Variants in HEATR1 observed in about 807,000 individuals in gnomAD.
The protein encoded by HEATR1 is HEAT repeat containing 1.
HEATR1 carries 77 observed loss-of-function variants against 248.2 expected under a neutral mutation model. The ratio of observed to expected loss-of-function variants is 0.31; its 90% CI spans 0.26 to 0.37. HEATR1 has a LOEUF of 0.37. HEATR1 is among the 10% of genes least tolerant of loss of function. The pLI is 1.00. For synonymous variants in HEATR1, 897 were observed against 923.1 expected (o/e 0.97, Z 0.51); for missense variants, 2,420 against 2,504.9 (o/e 0.97, Z 0.72).
Position 236,553,633 on chromosome 1 carries a change from C to T in HEATR1, c.6185G>A (p.Trp2062Ter). Residue 2062 changes from tryptophan (W) to a stop codon, truncating the protein, a stop_gained, in exon 43 of 45, where the codon TGG (tryptophan) becomes TAG (stop). Transcript: ENST00000366582. LOFTEE classifies it high-confidence loss of function. Reference protein sequence around the residue: ...FSVAMADDSLWKPLNYQILLK... With the variant: ...FSVAMADDSL ...CAGAATCTGGTAGTTCAGTGGTTTC[C>T]AAAGAGAGTCATCCGCCATGGCCAC... 6.2e-7 allele frequency: 1 copy of T among 1,614,026 alleles called. No homozygotes were observed. Among genetic ancestry groups the T allele is most frequent in the Non-Finnish European group, 8.5e-7 (1 of 1,179,990 alleles).
At chr1:236,557,390 G>C in intron 36 of HEATR1, 45 bp from the exon 37 acceptor site, 1 of 1,604,818 alleles carries the variant, frequency 6.2e-7, no homozygotes. Context: ...AGCAGAAACA[G>C]AGGCTAGGGA....
At position 236,572,780 on chromosome 1, in the gene HEATR1, T is replaced by C. The variant is rs752889526; in HGVS notation, c.3508A>G (p.Lys1170Glu). 1.9e-6 allele frequency: 3 copies of C among 1,614,064 alleles called. No homozygotes were observed. The highest frequency in any genetic ancestry group is 2.5e-6 in the Non-Finnish European group (3 of 1,179,906). The change falls in exon 25 of 45, where the codon AAA (lysine) becomes GAA (glutamate). Residue 1170 changes from lysine to glutamate, a missense_variant. Coordinates refer to ENST00000366582, the MANE Select transcript of HEATR1 (RefSeq NM_018072.6). ...TGAACTGTGCCCAAGGGTTTAGCTT[T>C]ATCTGGTGGCTCCAGTTCTATTCGG... is the stretch of plus-strand genomic sequence containing the variant. ...QVRIELEPPD[K>E]AKPLGTVQQK...
At chr1:236,587,316 TAA>T in intron 14 of HEATR1, 84 bp downstream of exon 14, 34 of 475,556 alleles carry the variant, frequency 7.1e-5, no homozygotes, top group South Asian at 1.1e-4. Flanking sequence ...ATCAAAGCCT[TAA>T]AAAAAAAAAG....
chr1:236,569,959 C>T (rs1358227170), intron 28 of HEATR1, among the ~76,000 whole-genome samples: 1 of 152,130 alleles, frequency 6.6e-6, no homozygotes, highest in Non-Finnish European at 1.5e-5. Flanking sequence ...AAAAGGAATA[C>T]GGATTCAAGC....
chr1:236,592,664 A>G lies in HEATR1; in HGVS notation c.1194-31T>C, dbSNP rs569129247. The G allele has an allele frequency of 7.0e-6, 6 of 862,248 alleles. No individual in the cohort carries two copies. The South Asian group carries it at 9.2e-5, about 13-fold the overall frequency. The allele number at this position is 862,248 out of a possible 1,614,324, so 53.4% of individuals were successfully genotyped here. On this transcript the variant is annotated intron_variant, in intron 9 of 44. Coordinates refer to ENST00000366582, the MANE Select transcript of HEATR1 (RefSeq NM_018072.6). ...AAAAAAAAAACAGAAATATCAGCAT[A>G]CATAAGAGTTACTATTTATTGAGTA...
In HEATR1 at chr1:236,555,619, T is replaced by C. The variant is rs371888813; in HGVS notation, c.5686A>G (p.Ile1896Val). The C allele has an allele frequency of 4.3e-6, 7 of 1,614,128 alleles. No homozygotes were observed. Among genetic ancestry groups the C allele is most frequent in the Non-Finnish European group, 4.2e-6 (5 of 1,180,050 alleles). ...ACCATGGCTACTAGACAGTCAATGA[T>C]ACAATTTTCCGTTTTTCCAACTTCC... The part of the protein sequence containing the change: ...LEEVGKTENC[I>V]IDCLVAMVVK... The change falls in exon 40 of 45, where the codon ATC (isoleucine) becomes GTC (valine). Residue 1896 changes from isoleucine (I) to valine (V), a missense_variant. Ile to Val is a conservative substitution (Grantham distance 29). Transcript: ENST00000366582.
At chr1:236,562,219 C>A (rs74145390) in intron 32 of HEATR1, among the ~76,000 whole-genome samples, 212 of 152,316 alleles carry the variant, frequency 1.4e-3, no homozygotes, top group African/African-American at 4.9e-3. Context: ...ATATTCTTTG[C>A]CAGTTGTTCT....
At chr1:236,572,882 G>T in intron 24 of HEATR1, 54 bp from the exon 25 acceptor site, 1 of 1,474,310 alleles carries the variant, frequency 6.8e-7, no homozygotes, top group South Asian at 1.1e-5. Flanking sequence ...GATAAAATTA[G>T]AGCAATAAAT....
At chr1:236,581,070 G>T in intron 20 of HEATR1, 152 bp downstream of exon 20, 1 of 588,734 alleles carries the variant, frequency 1.7e-6, no homozygotes, top group Non-Finnish European at 2.9e-6. Flanking sequence ...TGCCTGCTTC[G>T]GCCTCCCAAA....
At chr1:236,556,058 C>A (rs1394988432) in intron 38 of HEATR1, 42 bp downstream of exon 38, 1 of 1,612,054 alleles carries the variant, frequency 6.2e-7, no homozygotes, top group Admixed American at 1.7e-5. Flanking sequence ...TGCAGTACCA[C>A]CTCTCCCTTC....
intron 13 of HEATR1, among the ~76,000 whole-genome samples, chr1:236,587,691 T>C (rs1663931365): frequency 6.6e-6 from 1 of 152,082 alleles, no homozygotes; most frequent in South Asian, 2.1e-4. Context: ...TTGCTATTGA[T>C]AAAAATATGT....
intron 32 of HEATR1, 136 bp from the exon 33 acceptor site, chr1:236,561,407 G>T: frequency 1.7e-5 from 12 of 709,604 alleles, no homozygotes; most frequent in East Asian, 2.5e-5. Context: ...AATTTAATCA[G>T]GTTCATATCA....
chr1:236,576,393 G>C lies in HEATR1; in HGVS notation c.2926-16C>G. On this transcript the variant is annotated splice_polypyrimidine_tract_variant and intron_variant, in intron 21 of 44. Coordinates refer to ENST00000366582, the MANE Select transcript of HEATR1 (RefSeq NM_018072.6). ...TAGCCAAATCCTAAGATACCAAAAA[G>C]AAAATTGGATAAAAAAGGGTTAAGA... 6.5e-7 allele frequency: 1 copy of C among 1,545,676 alleles called. No homozygotes were observed. Among genetic ancestry groups the C allele is most frequent in the Non-Finnish European group, 8.7e-7 (1 of 1,149,966 alleles).
Position 236,585,893 on chromosome 1 carries a change from A to G in HEATR1, c.1976T>C (p.Val659Ala), listed in dbSNP as rs1205440856. 5 of 1,613,144 alleles carry G rather than the reference A, an allele frequency of 3.1e-6. No individual in the cohort carries two copies. The African/African-American group carries it at 6.7e-5, about 22-fold the overall frequency. ...CAACTCAATCATCTTCTGATTTGCT[A>G]CACCGATTAGTTTTCCTGGCTTTGT... ...KSTKPGKLIG[V>A]ANQKMIELLA... Residue 659 changes from valine (V) to alanine (A), a missense_variant, in exon 16 of 45, where the codon GTA becomes GCA. Val to Ala is a moderately conservative substitution (Grantham distance 64, BLOSUM62 0). Transcript: ENST00000366582.
intron 28 of HEATR1, among the ~76,000 whole-genome samples, chr1:236,570,005 G>A (rs1264049565): frequency 6.6e-6 from 1 of 152,160 alleles, no homozygotes; most frequent in African/African-American, 2.4e-5. Context: ...ATTATGCTAA[G>A]CAGCCGGGCA....
rs532304014 is a variant in HEATR1, at chr1:236,592,648, A to T, written c.1194-15T>A. ...CAAATAGAAGGCTGTAAAAAAAAAA[A>T]CAGAAATATCAGCATACATAAGAGT... On this transcript the variant is annotated splice_polypyrimidine_tract_variant and intron_variant, in intron 9 of 44. Coordinates refer to ENST00000366582, the MANE Select transcript of HEATR1 (RefSeq NM_018072.6). 3 of 857,002 alleles carry T rather than the reference A, an allele frequency of 3.5e-6. No homozygotes were observed. The highest frequency in any genetic ancestry group is 5.7e-6 in the Non-Finnish European group (3 of 524,922). 53.1% of individuals were successfully genotyped at this position (857,002 alleles called of 1,614,324 possible). A position where few individuals can be genotyped will look rare whatever the true frequency, so the allele number is the denominator to read the frequency against.
chr1:236,591,952 T>C, intron 11 of HEATR1, 41 bp downstream of exon 11: 1 of 1,269,020 alleles, frequency 7.9e-7, no homozygotes, highest in South Asian at 1.3e-5. Context: ...CCCATACAAA[T>C]GTACCCCAAA....
rs1189484446 is a variant in HEATR1, at chr1:236,596,926, A to T, written c.654T>A (p.Ala218=). The change falls in exon 6 of 45, where the codon GCT becomes GCA. Residue 218 remains alanine (A), a synonymous_variant. Coordinates refer to ENST00000366582, the MANE Select transcript of HEATR1 (RefSeq NM_018072.6). The stretch of plus-strand genomic sequence containing the variant: ...CCGACACTATGGTAGAAGCATAGAA[A>T]GCCAAGAGCACCCTCAACTGAGCTG... ...GSSAQLRVLL[A]FYASTIVSAL... is the part of the protein sequence containing the mutation. 11 of 1,614,158 alleles carry T rather than the reference A, an allele frequency of 6.8e-6. No homozygotes were observed. The highest frequency in any genetic ancestry group is 9.3e-6 in the Non-Finnish European group (11 of 1,180,008).
intron 20 of HEATR1, among the ~76,000 whole-genome samples, chr1:236,577,679 G>A (rs1663601761): frequency 6.6e-6 from 1 of 151,274 alleles, no homozygotes; most frequent in Admixed American, 6.6e-5. Context: ...GTAGAGACGG[G>A]GTTTCTTCAT....
Sources: allele counts gnomAD v4.1 joint callset (sites outside exome capture counted in the v4.1 genomes callset), GRCh38; gene constraint gnomAD v4.1.1; transcripts MANE v1.5; gene names NCBI Gene and HGNC (gene_info 2026-07-23, HGNC 2026-07-21).